Variants in KAZN observed in about 807,000 individuals in gnomAD.
The protein encoded by KAZN is kazrin.
Under a neutral mutation model 87.4 loss-of-function variants are expected in KAZN, and 40 were observed. The ratio of observed to expected loss-of-function variants is 0.46; its 90% confidence interval spans 0.36 to 0.60. The LOEUF (loss-of-function observed/expected upper bound fraction) is 0.60. Among genes scored for constraint, KAZN ranks in the 20% least tolerant of loss-of-function variants. The probability of loss-of-function intolerance (pLI) is 0.00; values close to 1 mark genes in which losing one functional copy is unlikely to be tolerated. For missense variants in KAZN, 898 were observed against 1,073.9 expected, an observed-to-expected ratio of 0.84 and a Z score of 2.29; for synonymous variants, 466 against 458.3, an observed-to-expected ratio of 1.02 and a Z score of -0.22.
At chr1:14,647,495 C>A (rs1046828389) in intron 1 of KAZN, among the ~76,000 whole-genome samples, 1 of 152,102 alleles carries the variant, frequency 6.6e-6, no homozygotes, top group Non-Finnish European at 1.5e-5. Context: ...TTTCCTGGAT[C>A]ATCTTAACAT....
chr1:15,087,948 G>A (rs895052150), intron 8 of KAZN, among the ~76,000 whole-genome samples: 1 of 152,344 alleles, frequency 6.6e-6, no homozygotes, highest in Middle Eastern at 3.4e-3. Flanking sequence ...GGGGAAAACC[G>A]AGGTTGAGAA....
chr1:14,180,082 T>G (rs1646164254), intron 1 of KAZN, among the ~76,000 whole-genome samples: 1 of 152,152 alleles, frequency 6.6e-6, no homozygotes, highest in Non-Finnish European at 1.5e-5. Context: ...CTGCAGTTTA[T>G]AAACACTTAC....
intron 1 of KAZN, among the ~76,000 whole-genome samples, chr1:14,024,915 A>G (rs1477697535): frequency 2.0e-5 from 3 of 152,260 alleles, no homozygotes; most frequent in African/African-American, 7.2e-5. Context: ...ATATACACCA[A>G]GGATGGAAGG....
At chr1:14,855,914 G>A (rs1014182731) in intron 1 of KAZN, among the ~76,000 whole-genome samples, 11 of 152,224 alleles carry the variant, frequency 7.2e-5, no homozygotes, top group African/African-American at 2.7e-4. Context: ...TTAAACAGAG[G>A]GAGCGGCTGC....
chr1:14,698,695 A>G (rs1047241574), intron 1 of KAZN, among the ~76,000 whole-genome samples: 1 of 152,192 alleles, frequency 6.6e-6, no homozygotes, highest in Non-Finnish European at 1.5e-5. Context: ...CTCTGCTGCT[A>G]AAACACCGCC....
rs551461976 is a variant in KAZN, at chr1:14,369,912, AAATT to A, written c.249+189324_249+189327del. 1.1e-4 allele frequency among the ~76,000 whole-genome samples: 16 copies of A among 152,346 alleles called. No homozygotes were observed. The South Asian group carries it at 3.3e-3, about 32-fold the overall frequency. On this transcript the variant is annotated intron_variant, in intron 2 of 16. Transcript: ENST00000636203. ...GTCACTATCAATGTAATAGCTAAAT[AAATT>A]AATCCAGAAACAACTGGCTCTAACA... is the stretch of plus-strand genomic sequence containing the variant.
At chr1:14,010,079 T>C (rs1388638887) in intron 1 of KAZN, among the ~76,000 whole-genome samples, 1 of 152,254 alleles carries the variant, frequency 6.6e-6, no homozygotes, top group Non-Finnish European at 1.5e-5. Context: ...GTATCATCTG[T>C]GCTATTATCT....
At chr1:14,545,221 T>C (rs749773076) in intron 2 of KAZN, among the ~76,000 whole-genome samples, 1 of 152,212 alleles carries the variant, frequency 6.6e-6, no homozygotes, top group Non-Finnish European at 1.5e-5. Flanking sequence ...ATCATGTCAA[T>C]TTCCACGGTG....
intron 2 of KAZN, among the ~76,000 whole-genome samples, chr1:15,030,039 A>C (rs1206325366): frequency 6.6e-6 from 1 of 152,062 alleles, no homozygotes; most frequent in Non-Finnish European, 1.5e-5. Flanking sequence ...TCAGGTACCC[A>C]TTCCACCCCA....
intron 2 of KAZN, among the ~76,000 whole-genome samples, chr1:14,244,879 G>C (rs115476723): frequency 6.6e-6 from 1 of 152,178 alleles, no homozygotes; most frequent in South Asian, 2.1e-4. Flanking sequence ...GCTTTTATTC[G>C]GAGCGAGTTG....
At chr1:14,910,225 G>A (rs1657100815) in intron 1 of KAZN, among the ~76,000 whole-genome samples, 1 of 152,136 alleles carries the variant, frequency 6.6e-6, no homozygotes, top group South Asian at 2.1e-4. Flanking sequence ...TTAGCCATGA[G>A]TGGCTGTCAT....
intron 1 of KAZN, among the ~76,000 whole-genome samples, chr1:14,638,440 A>T (rs1680162178): frequency 6.6e-6 from 1 of 151,934 alleles, no homozygotes; most frequent in Non-Finnish European, 1.5e-5. Context: ...GTGATGGCTC[A>T]TGCCTGTAAT....
intron 1 of KAZN, among the ~76,000 whole-genome samples, chr1:13,920,892 C>T (rs1640040350): frequency 6.6e-6 from 1 of 152,146 alleles, no homozygotes; most frequent in South Asian, 2.1e-4. Context: ...TCAAGGGGAA[C>T]TTAAAATGGT....
intron 1 of KAZN, among the ~76,000 whole-genome samples, chr1:13,932,747 C>T (rs74380773): frequency 6.6e-6 from 1 of 152,188 alleles, no homozygotes; most frequent in Non-Finnish European, 1.5e-5. Flanking sequence ...CAATCAATCA[C>T]TAGCAATATG....
intron 1 of KAZN, among the ~76,000 whole-genome samples, chr1:14,120,749 C>T (rs1318821717): frequency 6.6e-6 from 1 of 152,200 alleles, no homozygotes; most frequent in Non-Finnish European, 1.5e-5. Flanking sequence ...ACCCATGCAT[C>T]CTTCTGCTGC....
chr1:14,050,618 A>C (rs942065939), intron 1 of KAZN, among the ~76,000 whole-genome samples: 3 of 152,064 alleles, frequency 2.0e-5, no homozygotes, highest in Non-Finnish European at 4.4e-5. Context: ...TCATCCAATC[A>C]CTTCCCTCCC....
At chr1:14,988,448 C>T (rs1405330606) in intron 2 of KAZN, among the ~76,000 whole-genome samples, 1 of 152,204 alleles carries the variant, frequency 6.6e-6, no homozygotes, top group African/African-American at 2.4e-5. Flanking sequence ...CTGGCAGCTC[C>T]ACCCGGCCCA....
intron 1 of KAZN, among the ~76,000 whole-genome samples, chr1:14,881,896 C>A (rs1653378463): frequency 6.6e-6 from 1 of 152,148 alleles, no homozygotes; most frequent in African/African-American, 2.4e-5. Context: ...GCTTTCTCTT[C>A]TCTTCTGAAC....
chr1:14,824,774 T>G (rs533622150), intron 1 of KAZN, among the ~76,000 whole-genome samples: 2 of 152,356 alleles, frequency 1.3e-5, no homozygotes, highest in African/African-American at 4.8e-5. Context: ...GGTAGTATTC[T>G]ACGGTATTTG....
Sources: gnomAD v4.1 joint callset for allele counts (sites outside exome capture counted in the v4.1 genomes callset) on GRCh38, gnomAD v4.1.1 for gene constraint, MANE v1.5 for transcripts, NCBI Gene and HGNC (gene_info 2026-07-23, HGNC 2026-07-21) for gene names.